The following RIMS4 variants were observed in gnomAD, a reference collection of about 807,000 sequenced individuals.
RIMS4 encodes the protein regulating synaptic membrane exocytosis 4.
In RIMS4, 9 loss-of-function variants were observed where a neutral mutation model predicts 29.0. The ratio of observed to expected loss-of-function variants is 0.31; its 90% CI spans 0.19 to 0.54. RIMS4 has a LOEUF of 0.54. RIMS4 is among the 20% of genes least tolerant of loss of function. The pLI is 0.94. For missense variants in RIMS4, 193 were observed against 365.7 expected (o/e 0.53, Z 3.85); for synonymous variants, 130 against 152.9 (o/e 0.85, Z 1.10).
intron 2 of RIMS4, among the ~76,000 whole-genome samples, chr20:44,764,255 C>CATCCATCCATCCATTTATCCATCCG (rs1325046131): frequency 5.5e-5 from 8 of 144,400 alleles, no homozygotes; most frequent in Non-Finnish European, 9.1e-5. Flanking sequence ...TCCATCCATC[C>CATCCATCCATCCATTTATCCATCCG]TCCCACAAAC....
intron 1 of RIMS4, among the ~76,000 whole-genome samples, chr20:44,780,181 T>C (rs562167208): frequency 6.6e-6 from 1 of 152,350 alleles, no homozygotes; most frequent in African/African-American, 2.4e-5. Flanking sequence ...AAGACAAGCA[T>C]TTTTTCAACA....
At chr20:44,765,202 C>T (rs565827058) in intron 2 of RIMS4, among the ~76,000 whole-genome samples, 1 of 152,258 alleles carries the variant, frequency 6.6e-6, no homozygotes, top group South Asian at 2.1e-4. Flanking sequence ...CCAGGATTCA[C>T]CCTCCTAAGC....
chr20:44,770,730 T>C (rs2066133408), intron 2 of RIMS4, among the ~76,000 whole-genome samples: 1 of 152,200 alleles, frequency 6.6e-6, no homozygotes, highest in East Asian at 1.9e-4. Context: ...TCTAGTGAGC[T>C]GATGCTCAAG....
intron 1 of RIMS4, among the ~76,000 whole-genome samples, chr20:44,805,837 A>G (rs1479080804): frequency 6.6e-6 from 1 of 151,278 alleles, no homozygotes; most frequent in Non-Finnish European, 1.5e-5. Context: ...GAGAAATCGG[A>G]ACTCTGATTC....
intron 1 of RIMS4, among the ~76,000 whole-genome samples, chr20:44,808,787 C>T (rs1385651280): frequency 1.3e-5 from 2 of 152,212 alleles, no homozygotes; most frequent in Admixed American, 6.5e-5. Context: ...GACATGCCCA[C>T]CACTTCATCC....
chr20:44,785,647 C>G (rs1269297511), intron 1 of RIMS4, among the ~76,000 whole-genome samples: 1 of 152,148 alleles, frequency 6.6e-6, no homozygotes, highest in Non-Finnish European at 1.5e-5. Context: ...AGCTCCACTA[C>G]TGACTTCCGG....
rs144966327 is a variant in RIMS4 at position 44,769,689 on chromosome 20, G to A, written c.236+1586C>T. ...CTGTTCTCGCCCACGGGAAAGTCTC[G>A]CTAGGAGGTGGGTGGAACAGCAGCA... On this transcript the variant is annotated intron_variant, in intron 2 of 5. Transcript: ENST00000372851. 3.4e-3 allele frequency among the ~76,000 whole-genome samples: 524 copies of A among 152,264 alleles called. 5 individuals carry two copies. The highest frequency in any genetic ancestry group is 0.017 in the Admixed American group (264 of 15,300).
chr20:44,756,396 C>T lies in RIMS4; in HGVS notation c.592-44G>A. 6.5e-7 allele frequency: 1 copy of T among 1,538,558 alleles called. No homozygotes were observed. The highest frequency in any genetic ancestry group is 8.9e-7 in the Non-Finnish European group (1 of 1,121,026). ...AGTGGTTCAAATCCTGCCAGTGCCA[C>T]TCACAGGCCCAGAAGCAGAACCTGG... On this transcript the variant is annotated intron_variant, in intron 5 of 5. Transcript: ENST00000372851. The surrounding 1 kb of genome is among the most constrained non-coding windows in gnomAD (Gnocchi z 5.9).
chr20:44,806,947 T>A (rs957404097), intron 1 of RIMS4, among the ~76,000 whole-genome samples: 1 of 152,190 alleles, frequency 6.6e-6, no homozygotes, highest in Non-Finnish European at 1.5e-5. Context: ...CGCACAAAGG[T>A]AATCATTTGT....
rs2066318736 is a variant in RIMS4, at chr20:44,810,264, C to A, written c.8G>T (p.Arg3Leu). Residue 3 changes from arginine (R) to leucine (L), a missense_variant, in exon 1 of 6, where the codon CGC becomes CTC. Coordinates refer to ENST00000372851, the MANE Select transcript of RIMS4 (RefSeq NM_182970.4). Reference protein sequence around the residue: MERSQSRLSLSAS... With the variant: MELSQSRLSLSAS... ...GGACAGACTGAGGCGGCTCTGCGAG[C>A]GCTCCATGCCCGCGCCGGCGCCGGG... 18 of 1,252,460 alleles carry A rather than the reference C, an allele frequency of 1.4e-5. No individual in the cohort carries two copies. The highest frequency in any genetic ancestry group is 1.8e-5 in the Non-Finnish European group (18 of 977,846). 77.6% of individuals were successfully genotyped at this position (1,252,460 alleles called of 1,614,324 possible).
intron 1 of RIMS4, among the ~76,000 whole-genome samples, chr20:44,787,870 C>A (rs2066215837): frequency 6.6e-6 from 1 of 152,182 alleles, no homozygotes; most frequent in African/African-American, 2.4e-5. Context: ...GTCTGCAATA[C>A]CAGCTAAAAC....
intron 1 of RIMS4, among the ~76,000 whole-genome samples, chr20:44,801,993 G>A (rs2066279418): frequency 6.6e-6 from 1 of 152,110 alleles, no homozygotes; most frequent in South Asian, 2.1e-4. Flanking sequence ...CATCACGTGG[G>A]AACTTGTTAG....
At chr20:44,786,756 G>A (rs2066210352) in intron 1 of RIMS4, among the ~76,000 whole-genome samples, 1 of 152,180 alleles carries the variant, frequency 6.6e-6, no homozygotes, top group Non-Finnish European at 1.5e-5. Flanking sequence ...AGAAAGGAGG[G>A]TTCAGAGATT....
At chr20:44,806,916 A>T (rs568368808) in intron 1 of RIMS4, among the ~76,000 whole-genome samples, 53 of 152,330 alleles carry the variant, frequency 3.5e-4, no homozygotes, top group East Asian at 1.3e-3. Flanking sequence ...TAATATTTTT[A>T]AAATGCCTGG....
intron 1 of RIMS4, among the ~76,000 whole-genome samples, chr20:44,809,723 T>C (rs1013987505): frequency 6.6e-6 from 1 of 152,026 alleles, no homozygotes; most frequent in South Asian, 2.1e-4. Flanking sequence ...GCAGGGATCC[T>C]CTGGATGTGG....
intron 1 of RIMS4, among the ~76,000 whole-genome samples, chr20:44,784,400 T>C (rs1468480158): frequency 6.6e-6 from 1 of 152,192 alleles, no homozygotes; most frequent in Non-Finnish European, 1.5e-5. Context: ...AGACTAGAGC[T>C]AGCAAGGCTT....
chr20:44,771,510 G>A, intron 1 of RIMS4, 97 bp from the exon 2 acceptor site: 2 of 1,390,726 alleles, frequency 1.4e-6, no homozygotes, highest in Non-Finnish European at 2.0e-6. Flanking sequence ...TCAGCAGCTG[G>A]GGGCTGTCCA....
At chr20:44,806,495 G>A (rs1438107635) in intron 1 of RIMS4, among the ~76,000 whole-genome samples, 1 of 152,098 alleles carries the variant, frequency 6.6e-6, no homozygotes, top group East Asian at 1.9e-4. Context: ...AAGAAGGAGG[G>A]CCCAGCTCTA....
chr20:44,788,567 G>A (rs748065224), intron 1 of RIMS4, among the ~76,000 whole-genome samples: 2 of 151,906 alleles, frequency 1.3e-5, no homozygotes, highest in Non-Finnish European at 2.9e-5. Context: ...CAGCCCAGGA[G>A]TTCGAGACCA....
Sources: gnomAD v4.1 joint callset for allele counts (sites outside exome capture counted in the v4.1 genomes callset) on GRCh38, gnomAD v4.1.1 for gene constraint, Gnocchi (gnomAD v3.1) non-coding constraint, MANE v1.5 for transcripts, NCBI Gene and HGNC (gene_info 2026-07-23, HGNC 2026-07-21) for gene names.